Variants in PRKN observed in about 807,000 individuals in gnomAD.
The protein encoded by PRKN is parkin RBR E3 ubiquitin protein ligase.
In PRKN, 56 loss-of-function variants were observed where a neutral mutation model predicts 59.5. The ratio of observed to expected loss-of-function variants is 0.94; its 90% CI spans 0.76 to 1.18. The LOEUF is 1.18. Among genes scored for constraint, PRKN ranks in the 50% most tolerant of loss-of-function variants. The probability of loss-of-function intolerance (pLI) is 0.00; values close to 1 mark genes in which losing one functional copy is unlikely to be tolerated. For synonymous variants in PRKN, 250 were observed against 222.1 expected, an observed-to-expected ratio of 1.13 and a Z score of -1.12; for missense variants, 657 against 596.4, an observed-to-expected ratio of 1.10 and a Z score of -1.06.
chr6:161,961,034 A>C (rs1583408392), intron 6 of PRKN, among the ~76,000 whole-genome samples: 1 of 152,250 alleles, frequency 6.6e-6, no homozygotes, highest in Admixed American at 6.5e-5. Context: ...ATAAACATAC[A>C]TGCAAAATAT....
At chr6:161,465,619 C>T (rs1387079694) in intron 9 of PRKN, among the ~76,000 whole-genome samples, 2 of 152,084 alleles carry the variant, frequency 1.3e-5, no homozygotes, top group African/African-American at 4.8e-5. Context: ...CAATGAGGTT[C>T]CCTCTGGCAG....
At position 162,394,574 on chromosome 6, in the gene PRKN, T is replaced by C. The variant is rs534704091; in HGVS notation, c.171+48736A>G. On this transcript the variant is annotated intron_variant, in intron 2 of 11. Coordinates refer to ENST00000366898, the MANE Select transcript of PRKN (RefSeq NM_004562.3). Reference sequence around the variant, plus strand: ...CAAAAAAGCCATCACAGTGCCATTATAGATGAAAGGCTTCCCGGTAGAAAT... The same window carrying C: ...CAAAAAAGCCATCACAGTGCCATTACAGATGAAAGGCTTCCCGGTAGAAAT... Among the ~76,000 whole-genome samples, 15 of 152,336 alleles carry C rather than the reference T, an allele frequency of 9.8e-5. No individual in the cohort carries two copies. In the South Asian group the frequency reaches 2.9e-3, roughly 29 times the overall value.
rs552540082 is a variant in PRKN at position 161,560,091 on chromosome 6, C to T, written c.933+9264G>A. 6.6e-6 allele frequency among the ~76,000 whole-genome samples: 1 copy of T among 152,290 alleles called. No individual in the cohort carries two copies. Among genetic ancestry groups the T allele is most frequent in the South Asian group, 2.1e-4 (1 of 4,824 alleles). On this transcript the variant is annotated intron_variant, in intron 8 of 11. Transcript: ENST00000366898. This position sits in a 1 kb window ranked among gnomAD's most constrained non-coding sequence, Gnocchi z 4.9. Reference sequence around the variant, plus strand: ...CTGCCTGTCATTCTTATCACCCAAACTGTCAGTCCCATATGGGTCCATACG... The same window carrying T: ...CTGCCTGTCATTCTTATCACCCAAATTGTCAGTCCCATATGGGTCCATACG...
chr6:162,352,420 G>A (rs577494316), intron 2 of PRKN, among the ~76,000 whole-genome samples: 38 of 152,286 alleles, frequency 2.5e-4, no homozygotes, highest in South Asian at 8.3e-4. Flanking sequence ...TTTATAGACT[G>A]CTGAAGACTG....
At chr6:161,660,569 A>G (rs950796508) in intron 7 of PRKN, among the ~76,000 whole-genome samples, 2 of 152,206 alleles carry the variant, frequency 1.3e-5, no homozygotes, top group South Asian at 2.1e-4. Flanking sequence ...TTCCTTAGAA[A>G]GGAGTCTGAT....
intron 2 of PRKN, among the ~76,000 whole-genome samples, chr6:162,308,602 A>T (rs1021654827): frequency 6.6e-6 from 1 of 152,112 alleles, no homozygotes; most frequent in African/African-American, 2.4e-5. Context: ...AAACTATCCT[A>T]TTGCATACCT....
chr6:161,505,504 T>A (rs1301116488), intron 9 of PRKN, among the ~76,000 whole-genome samples: 1 of 152,098 alleles, frequency 6.6e-6, no homozygotes, highest in African/African-American at 2.4e-5. Context: ...TAGTTTCTTT[T>A]GCTGTGCAGA....
In PRKN at chr6:162,398,906, T is replaced by C. The variant is rs531213461; in HGVS notation, c.171+44404A>G. Among the ~76,000 whole-genome samples, 264 of 152,348 alleles carry C rather than the reference T, an allele frequency of 1.7e-3. 1 individual carries two copies. The highest frequency in any genetic ancestry group is 0.01 in the Middle Eastern group (3 of 294). On this transcript the variant is annotated intron_variant, in intron 2 of 11. Transcript: ENST00000366898. ...AATCTTTAATATTGATCCAGTAATT[T>C]ACCATACAGACTCAAGAAAAAGAAA...
chr6:162,146,611 T>C (rs959173373), intron 4 of PRKN, among the ~76,000 whole-genome samples: 1 of 151,954 alleles, frequency 6.6e-6, no homozygotes, highest in Admixed American at 6.6e-5. Context: ...TTCAAGTGAT[T>C]CTCCCATCTC....
intron 6 of PRKN, among the ~76,000 whole-genome samples, chr6:161,845,153 G>C (rs1793148657): frequency 6.6e-6 from 1 of 152,102 alleles, no homozygotes; most frequent in African/African-American, 2.4e-5. Context: ...ATTTAAAGTG[G>C]GATTGTGGCT....
chr6:162,066,611 G>A (rs946768460), intron 4 of PRKN, among the ~76,000 whole-genome samples: 11 of 152,094 alleles, frequency 7.2e-5, no homozygotes, highest in African/African-American at 2.7e-4. Flanking sequence ...GACCATGTGA[G>A]GACACACTGT....
At chr6:161,962,085 G>T (rs1286270763) in intron 6 of PRKN, among the ~76,000 whole-genome samples, 1 of 152,126 alleles carries the variant, frequency 6.6e-6, no homozygotes, top group Non-Finnish European at 1.5e-5. Flanking sequence ...TTGCACTCCG[G>T]GTGTCTGAAA....
At chr6:162,569,418 A>C in intron 1 of PRKN, 1 of 680,880 alleles carries the variant, frequency 1.5e-6, no homozygotes. Flanking sequence ...AAGAACATGA[A>C]GCTGGCCCTG....
rs12528586 is a variant in PRKN, at chr6:161,552,848, T to C, written c.934-3845A>G. On this transcript the variant is annotated intron_variant, in intron 8 of 11. Coordinates refer to ENST00000366898, the MANE Select transcript of PRKN (RefSeq NM_004562.3). The surrounding 1 kb of genome is among the most constrained non-coding windows in gnomAD (Gnocchi z 4.9). ...TCGTTGTTACGCGGCTGGAGTACAG[T>C]GGCGCAATCTCGGCTCACTGCAACC... 6.7e-6 allele frequency among the ~76,000 whole-genome samples: 1 copy of C among 149,480 alleles called. No individual in the cohort carries two copies. The highest frequency in any genetic ancestry group is 1.5e-5 in the Non-Finnish European group (1 of 67,540).
intron 4 of PRKN, among the ~76,000 whole-genome samples, chr6:162,200,655 T>A (rs1784687610): frequency 6.6e-6 from 1 of 152,208 alleles, no homozygotes; most frequent in South Asian, 2.1e-4. Flanking sequence ...TGTTTGCTGA[T>A]CCATACTCTT....
chr6:162,293,163 T>G (rs978101315), intron 2 of PRKN, among the ~76,000 whole-genome samples: 2 of 152,148 alleles, frequency 1.3e-5, no homozygotes, highest in Non-Finnish European at 1.5e-5. Flanking sequence ...CATCCCCAGT[T>G]TCACTTCAGT....
At chr6:162,586,624 G>C (rs1454371054) in intron 1 of PRKN, among the ~76,000 whole-genome samples, 1 of 152,134 alleles carries the variant, frequency 6.6e-6, no homozygotes, top group Non-Finnish European at 1.5e-5. Flanking sequence ...ACCACGAGGG[G>C]CTATAAGCCG....
intron 9 of PRKN, among the ~76,000 whole-genome samples, chr6:161,482,083 T>A (rs1490354685): frequency 6.6e-6 from 1 of 152,140 alleles, no homozygotes; most frequent in Non-Finnish European, 1.5e-5. Context: ...ATGAAAAATG[T>A]AGGTGGCTTT....
intron 6 of PRKN, among the ~76,000 whole-genome samples, chr6:161,907,809 G>A (rs974847586): frequency 1.3e-5 from 2 of 152,114 alleles, no homozygotes; most frequent in African/African-American, 2.4e-5. Flanking sequence ...GAGGCGCAGG[G>A]GCTTATGCCT....
Sources: gnomAD v4.1 joint callset for allele counts (sites outside exome capture counted in the v4.1 genomes callset) on GRCh38, gnomAD v4.1.1 for gene constraint, Gnocchi (gnomAD v3.1) non-coding constraint, MANE v1.5 for transcripts, NCBI Gene and HGNC (gene_info 2026-07-23, HGNC 2026-07-21) for gene names.